Variants in WDCP observed in about 807,000 individuals in gnomAD.
WDCP encodes the protein WD repeat and coiled-coil-containing protein.
Under a neutral mutation model 41.6 loss-of-function variants are expected in WDCP, and 19 were observed. That is an observed-to-expected ratio of 0.46 (90% confidence interval 0.32 to 0.67). The LOEUF (loss-of-function observed/expected upper bound fraction) is 0.67, where lower values mean the gene tolerates loss of function less well. Among genes scored for constraint, WDCP ranks in the 30% least tolerant of loss-of-function variants. WDCP has a pLI of 0.04. For missense variants in WDCP, 802 were observed against 850.7 expected (o/e 0.94, Z 0.71); for synonymous variants, 302 against 320.8 (o/e 0.94, Z 0.63).
rs754095890 is a variant in WDCP, at chr2:24,038,936, C to A, written c.559G>T (p.Ala187Ser). 1.2e-6 allele frequency: 2 copies of A among 1,614,184 alleles called. No individual in the cohort carries two copies. The highest frequency in any genetic ancestry group is 1.1e-5 in the South Asian group (1 of 91,088). ...SSLHSYIWDS[A>S]QKTLHRCSSC... is the part of the protein sequence containing the mutation. ...GAGCACCTGTGAAGAGTCTTCTGAG[C>A]GCTGTCCCAAATATAAGAATGCAGG... is the stretch of plus-strand genomic sequence containing the variant. Residue 187 changes from alanine (A) to serine (S), a missense_variant, in exon 2 of 4, where the codon GCT becomes TCT. By Grantham distance (99) the Ala-to-Ser change is moderately conservative (BLOSUM62 1). Coordinates refer to ENST00000295148, the MANE Select transcript of WDCP (RefSeq NM_025203.3).
intron 3 of WDCP, among the ~76,000 whole-genome samples, chr2:24,031,767 A>G (rs1254923791): frequency 6.6e-6 from 1 of 151,824 alleles, no homozygotes; most frequent in Non-Finnish European, 1.5e-5. Context: ...CGGAGGTTGC[A>G]GTGAGCCGAG....
rs1023183784 is a variant in WDCP, at chr2:24,038,005, T to G, written c.1490A>C (p.Lys497Thr). 4 of 1,614,098 alleles carry G rather than the reference T, an allele frequency of 2.5e-6. No homozygotes were observed. The African/African-American group carries it at 5.3e-5, about 22-fold the overall frequency. The change falls in exon 2 of 4, where the codon AAA becomes ACA. Residue 497 changes from lysine to threonine, a missense_variant. Transcript: ENST00000295148. ...ACTAGACAGAGGACTCTGGATTTCT[T>G]TAATAAGTGTTCTTCCAGGCCTTCC... Reference protein sequence around the residue: ...QNGRPGRTLIKEIQSPLSSIC... With the variant: ...QNGRPGRTLITEIQSPLSSIC...
intron 1 of WDCP, among the ~76,000 whole-genome samples, chr2:24,044,743 A>G (rs1456673480): frequency 4.0e-5 from 6 of 150,114 alleles, no homozygotes; most frequent in Non-Finnish European, 7.4e-5. Context: ...TAAAACAAGG[A>G]GAGGTCCCCT....
intron 1 of WDCP, among the ~76,000 whole-genome samples, chr2:24,041,535 C>T (rs2150952914): frequency 6.6e-6 from 1 of 152,030 alleles, no homozygotes; most frequent in East Asian, 1.9e-4. Flanking sequence ...AATGGGGTAG[C>T]CAGGCATGGT....
At chr2:24,045,064 G>A (rs1389853351) in intron 1 of WDCP, among the ~76,000 whole-genome samples, 1 of 152,202 alleles carries the variant, frequency 6.6e-6, no homozygotes, top group Non-Finnish European at 1.5e-5. Flanking sequence ...TATGCAGAAT[G>A]GACCTGAGAA....
rs1663048626 is a variant in WDCP, at chr2:24,029,356, G to A, written c.*1577C>T. The stretch of plus-strand genomic sequence containing the variant: ...TCCAAAACAGCCACAATAACCATTA[G>A]TGATTTTATTGAAGACTTATTCACA... On this transcript the variant is annotated 3_prime_UTR_variant, in exon 4 of 4. Coordinates refer to ENST00000295148, the MANE Select transcript of WDCP (RefSeq NM_025203.3). 6.6e-6 allele frequency: 1 copy of A among 152,216 alleles called. No homozygotes were observed. The highest frequency in any genetic ancestry group is 2.1e-4 in the South Asian group (1 of 4,832). The allele number at this position is 152,216 out of a possible 1,614,324, so 9.4% of individuals were successfully genotyped here. A position where few individuals can be genotyped will look rare whatever the true frequency, so the allele number is the denominator to read the frequency against.
rs1470948261 is a variant in WDCP, at chr2:24,030,845, G to A, written c.*88C>T. On this transcript the variant is annotated 3_prime_UTR_variant, in exon 4 of 4. Transcript: ENST00000295148. ...CAAGCGCTTCGCCTGAGTGCAGTGG[G>A]AGTCTCATTGGCGAGTGTCCAGTGT... 2 of 1,002,184 alleles carry A rather than the reference G, an allele frequency of 2.0e-6. No homozygotes were observed. The highest frequency in any genetic ancestry group is 3.2e-5 in the African/African-American group (2 of 61,982). The allele number at this position is 1,002,184 out of a possible 1,614,324, so 62.1% of individuals were successfully genotyped here. A position where few individuals can be genotyped will look rare whatever the true frequency, so the allele number is the denominator to read the frequency against.
chr2:24,042,616 G>A (rs1663480892), intron 1 of WDCP, among the ~76,000 whole-genome samples: 1 of 151,718 alleles, frequency 6.6e-6, no homozygotes, highest in African/African-American at 2.4e-5. Flanking sequence ...GGCTGAGGCA[G>A]GAGAATCGCT....
In WDCP at chr2:24,038,152, T is replaced by G. The variant is rs768377862; in HGVS notation, c.1343A>C (p.Tyr448Ser). ...ATTTAACGGAGCACTGAAAGTAGAG[T>G]AGGTAGTCTGGCTTTCACCTGATGT... The part of the protein sequence containing the change: ...SITSGESQTT[Y>S]STFSAPLNKA... Residue 448 changes from tyrosine (Y) to serine (S), a missense_variant, in exon 2 of 4, where the codon TAC (tyrosine) becomes TCC (serine). Transcript: ENST00000295148. The G allele has an allele frequency of 2.5e-6, 4 of 1,614,208 alleles. No homozygotes were observed. Among genetic ancestry groups the G allele is most frequent in the East Asian group, 2.2e-5 (1 of 44,884 alleles).
intron 1 of WDCP, among the ~76,000 whole-genome samples, chr2:24,042,702 T>A (rs1248607679): frequency 1.4e-5 from 2 of 143,036 alleles, no homozygotes; most frequent in Admixed American, 1.4e-4. Flanking sequence ...AGAGTGAAAC[T>A]CTGTCTCAAA....
chr2:24,038,160 C>T lies in WDCP; in HGVS notation c.1335G>A (p.Gln445=). 1 of 1,614,192 alleles carries T rather than the reference C, an allele frequency of 6.2e-7. No homozygotes were observed. The part of the protein sequence containing the change: ...EEPSITSGES[Q]TTYSTFSAPL... ...GAGCACTGAAAGTAGAGTAGGTAGT[C>T]TGGCTTTCACCTGATGTTATTGAAG... The change falls in exon 2 of 4, where the codon CAG becomes CAA. Residue 445 remains glutamine (Q), a synonymous_variant. Transcript: ENST00000295148.
Position 24,039,147 on chromosome 2 carries a change from G to T in WDCP, c.348C>A (p.Pro116=), listed in dbSNP as rs747591625. 6.2e-7 allele frequency: 1 copy of T among 1,614,218 alleles called. No homozygotes were observed. Among genetic ancestry groups the T allele is most frequent in the Non-Finnish European group, 8.5e-7 (1 of 1,180,050 alleles). Residue 116 remains proline, a synonymous_variant, in exon 2 of 4, where the codon CCC becomes CCA. Coordinates refer to ENST00000295148, the MANE Select transcript of WDCP (RefSeq NM_025203.3). ...CEIRGSLPIL[P]QGCVWHPKCA... is the part of the protein sequence containing the mutation. ...ATTTTGGGTGCCACACACAGCCCTG[G>T]GGAAGGATAGGTAGTGATCCTCTAA...
intron 3 of WDCP, among the ~76,000 whole-genome samples, chr2:24,031,914 T>TA (rs1444853367): frequency 3.9e-5 from 6 of 152,268 alleles, no homozygotes; most frequent in African/African-American, 1.4e-4. Flanking sequence ...GGCTTTCTGT[T>TA]ACTTCCTTGC....
At chr2:24,036,715 G>C (rs1347801173) in intron 2 of WDCP, among the ~76,000 whole-genome samples, 2 of 152,170 alleles carry the variant, frequency 1.3e-5, no homozygotes. Flanking sequence ...TAAATAAAGA[G>C]CATACTCTCA....
At chr2:24,040,971 G>A (rs1192992351) in intron 1 of WDCP, among the ~76,000 whole-genome samples, 2 of 152,052 alleles carry the variant, frequency 1.3e-5, no homozygotes, top group African/African-American at 2.4e-5. Context: ...AGCTGAGATC[G>A]TGCCATTGCA....
chr2:24,042,014 T>A (rs896171033), intron 1 of WDCP, among the ~76,000 whole-genome samples: 1 of 152,238 alleles, frequency 6.6e-6, no homozygotes, highest in East Asian at 1.9e-4. Flanking sequence ...AAAATTATAT[T>A]TTGAAATACT....
chr2:24,040,144 T>C (rs1663383779), intron 1 of WDCP, among the ~76,000 whole-genome samples: 1 of 152,112 alleles, frequency 6.6e-6, no homozygotes, highest in Admixed American at 6.6e-5. Context: ...ATTGTGGTTA[T>C]GCAGGACAAG....
At chr2:24,035,195 GA>G (rs945604104) in intron 2 of WDCP, among the ~76,000 whole-genome samples, 8 of 147,320 alleles carry the variant, frequency 5.4e-5, no homozygotes, top group African/African-American at 5.0e-5. Flanking sequence ...TTGTAATTAG[GA>G]AAAAAAAATA....
intron 3 of WDCP, 73 bp from the exon 4 acceptor site, chr2:24,031,235 T>C (rs2150946177): frequency 4.3e-6 from 5 of 1,171,362 alleles, no homozygotes. Flanking sequence ...ACTACAAATT[T>C]TTTTTTCTGA....
Sources: gnomAD v4.1 joint callset for allele counts (sites outside exome capture counted in the v4.1 genomes callset) on GRCh38, gnomAD v4.1.1 for gene constraint, MANE v1.5 for transcripts, NCBI Gene and HGNC (gene_info 2026-07-23, HGNC 2026-07-21) for gene names.